Variants in CHIA observed in about 807,000 individuals in gnomAD.
The protein encoded by CHIA is acidic mammalian chitinase.
CHIA carries 47 observed loss-of-function variants against 53.5 expected under a neutral mutation model. That is an observed-to-expected ratio of 0.88 (90% CI 0.70 to 1.12). CHIA has a LOEUF of 1.12. Among genes scored for constraint, CHIA ranks in the 50% most tolerant of loss-of-function variants. CHIA has a pLI of 0.00. For missense variants in CHIA, 652 were observed against 592.2 expected, an observed-to-expected ratio of 1.10 and a Z score of -1.05; for synonymous variants, 268 against 222.2, an observed-to-expected ratio of 1.21 and a Z score of -1.83.
At chr1:111,317,304 G>A (rs1649236775) in intron 6 of CHIA, 1 of 196,250 alleles carries the variant, frequency 5.1e-6, no homozygotes, top group Non-Finnish European at 1.1e-5. Context: ...GTCCTATAAA[G>A]TAGTTCATCT....
chr1:111,305,630 A>G (rs1648120180), intron 1 of CHIA, among the ~76,000 whole-genome samples: 1 of 152,236 alleles, frequency 6.6e-6, no homozygotes, highest in Admixed American at 6.5e-5. Flanking sequence ...TGAAGTTGCA[A>G]GCCTTTAATA....
chr1:111,319,279 GAGTC>G, intron 10 of CHIA, 40 bp downstream of exon 10: 1 of 1,614,070 alleles, frequency 6.2e-7, no homozygotes, highest in South Asian at 1.1e-5. Context: ...TCCCAGCCCT[GAGTC>G]CCAGGAAAGC....
chr1:111,294,083 A>G (rs1661196562), intron 1 of CHIA, among the ~76,000 whole-genome samples: 3 of 152,168 alleles, frequency 2.0e-5, no homozygotes, highest in Non-Finnish European at 2.9e-5. Context: ...CCCTGTCTCA[A>G]AAAACAATGA....
In CHIA at chr1:111,319,366, G is replaced by GCGCCTTTGA; in HGVS notation, c.1075_1076insCGCCTTTGA (p.Val359delinsAlaProLeuIle). 2 of 1,614,190 alleles carry GCGCCTTTGA rather than the reference G, an allele frequency of 1.2e-6. No individual in the cohort carries two copies. Among genetic ancestry groups the GCGCCTTTGA allele is most frequent in the East Asian group, 4.5e-5 (2 of 44,886 alleles). ...GCACAACAAATTTGGAGGCGCCATG[G>GCGCCTTTGA]TCTGGGCCATTGATCTGGATGACTT... On this transcript the variant is annotated protein_altering_variant, in exon 11 of 12. Transcript: ENST00000369740.
intron 11 of CHIA, among the ~76,000 whole-genome samples, chr1:111,320,003 C>CT (rs142642295): frequency 0.011 from 1,600 of 152,226 alleles, 29 homozygotes; most frequent in African/African-American, 0.036. Context: ...AAAGAGCAAC[C>CT]TTTTTTTACA....
intron 1 of CHIA, among the ~76,000 whole-genome samples, chr1:111,297,373 T>C (rs1253427417): frequency 1.3e-5 from 2 of 152,188 alleles, no homozygotes; most frequent in African/African-American, 2.4e-5. Context: ...TAACAGCGGA[T>C]CTCTCTGCAG....
At chr1:111,309,366 C>T (rs1215303828) in intron 1 of CHIA, among the ~76,000 whole-genome samples, 1 of 152,182 alleles carries the variant, frequency 6.6e-6, no homozygotes, top group Non-Finnish European at 1.5e-5. Context: ...ATAATGATCA[C>T]CCATATTCCC....
chr1:111,296,291 C>T (rs925700203), intron 1 of CHIA, among the ~76,000 whole-genome samples: 4 of 152,198 alleles, frequency 2.6e-5, no homozygotes, highest in East Asian at 1.9e-4. Context: ...TAGCCTAACT[C>T]GGAGACACAT....
chr1:111,291,049 C>T (rs1031360601), intron 1 of CHIA, 99 bp downstream of exon 1: 7 of 299,058 alleles, frequency 2.3e-5, no homozygotes, highest in African/African-American at 6.7e-5. Flanking sequence ...TTTATTATAT[C>T]GTTTGCTTAT....
intron 1 of CHIA, among the ~76,000 whole-genome samples, chr1:111,297,690 A>T (rs912782012): frequency 1.5e-4 from 23 of 152,136 alleles, no homozygotes; most frequent in African/African-American, 5.3e-4. Context: ...TAACCAGCTA[A>T]CATCGTAATG....
In CHIA at chr1:111,319,447, G is replaced by C. The variant is rs147768976; in HGVS notation, c.1156G>C (p.Ala386Pro). ...TCCCCTAATCTCCACCCTGAAGAAG[G>C]CCCTCGGCCTGCAGAGTGCAAGTAA... ...KFPLISTLKKALGLQSASCTA... is the reference protein window; with the variant it reads ...KFPLISTLKKPLGLQSASCTA... The change falls in exon 11 of 12, where the codon GCC becomes CCC. Residue 386 changes from alanine to proline, a missense_variant. By Grantham distance (27) the Ala-to-Pro change is conservative. Coordinates refer to ENST00000369740, the MANE Select transcript of CHIA (RefSeq NM_201653.4). The C allele has an allele frequency of 6.2e-7, 1 of 1,613,928 alleles. No homozygotes were observed. Among genetic ancestry groups the C allele is most frequent in the African/African-American group, 1.3e-5 (1 of 74,912 alleles).
At chr1:111,318,216 A>T in intron 8 of CHIA, 107 bp downstream of exon 8, 3 of 1,210,766 alleles carry the variant, frequency 2.5e-6, no homozygotes, top group Non-Finnish European at 2.3e-6. Flanking sequence ...TCAAATGGGA[A>T]ATTAGGCTGC....
chr1:111,298,873 C>G (rs1247332107), intron 1 of CHIA, among the ~76,000 whole-genome samples: 2 of 151,960 alleles, frequency 1.3e-5, no homozygotes, highest in African/African-American at 4.8e-5. Context: ...AAAGAAGAAT[C>G]AAATAGATGC....
At chr1:111,319,596 C>A in intron 11 of CHIA, 128 bp downstream of exon 11, 1 of 859,210 alleles carries the variant, frequency 1.2e-6, no homozygotes, top group Non-Finnish European at 1.8e-6. Context: ...CCGCTCTTGC[C>A]CAGATGAGAG....
In CHIA at chr1:111,318,044, A is replaced by G. The variant is rs1330419645; in HGVS notation, c.664A>G (p.Thr222Ala). Residue 222 changes from threonine (T) to alanine (A), a missense_variant, in exon 8 of 12, where the codon ACT becomes GCT. Transcript: ENST00000369740. ...CCTCCATGGCTCCTGGGAGGGCTACACTGGAGAGAACAGCCCCCTCTACAA... is the reference window on the plus strand; with the variant it reads ...CCTCCATGGCTCCTGGGAGGGCTACGCTGGAGAGAACAGCCCCCTCTACAA... ...YDLHGSWEGY[T>A]GENSPLYKYP... The G allele has an allele frequency of 1.9e-6, 3 of 1,613,854 alleles. No individual in the cohort carries two copies. Among genetic ancestry groups the G allele is most frequent in the East Asian group, 2.2e-5 (1 of 44,892 alleles).
chr1:111,311,675 T>G lies in CHIA; in HGVS notation c.26-14T>G, dbSNP rs1258047965. On this transcript the variant is annotated splice_polypyrimidine_tract_variant and intron_variant, in intron 2 of 11. Coordinates refer to ENST00000369740, the MANE Select transcript of CHIA (RefSeq NM_201653.4). ...ACAATCGGTTCAAAGTACATGCTTT[T>G]TCTTTCTATCCAGGTCTTGTCCTTA... 5 of 1,614,086 alleles carry G rather than the reference T, an allele frequency of 3.1e-6. No individual in the cohort carries two copies. The highest frequency in any genetic ancestry group is 4.2e-6 in the Non-Finnish European group (5 of 1,179,954).
At chr1:111,319,573 C>A in intron 11 of CHIA, 105 bp downstream of exon 11, 1 of 1,058,380 alleles carries the variant, frequency 9.4e-7, no homozygotes, top group Non-Finnish European at 1.4e-6. Flanking sequence ...GATCCTCTTT[C>A]CACTTCACCT....
rs1004532028 is a variant in CHIA at position 111,318,082 on chromosome 1, C to A, written c.702C>A (p.Asp234Glu). Reference protein sequence around the residue: ...ENSPLYKYPTDTGSNAYLNVD... With the variant: ...ENSPLYKYPTETGSNAYLNVD... Reference sequence around the variant, plus strand: ...GCCCCCTCTACAAATACCCGACTGACACCGGCAGCAACGCCTACCTCAATG... The same window carrying A: ...GCCCCCTCTACAAATACCCGACTGAAACCGGCAGCAACGCCTACCTCAATG... The change falls in exon 8 of 12, where the codon GAC becomes GAA. Residue 234 changes from aspartate (D) to glutamate (E), a missense_variant. By Grantham distance (45) the Asp-to-Glu change is conservative (BLOSUM62 2). Coordinates refer to ENST00000369740, the MANE Select transcript of CHIA (RefSeq NM_201653.4). 13 of 1,613,370 alleles carry A rather than the reference C, an allele frequency of 8.1e-6. No homozygotes were observed. Among genetic ancestry groups the A allele is most frequent in the African/African-American group, 8.0e-5 (6 of 75,016 alleles).
At chr1:111,318,130 A>C in intron 8 of CHIA, 21 bp downstream of exon 8, 1 of 1,578,848 alleles carries the variant, frequency 6.3e-7, no homozygotes, top group Non-Finnish European at 8.7e-7. Flanking sequence ...GTACAGATGC[A>C]AGAGCAGACC....
Sources: gnomAD v4.1 joint callset for allele counts (sites outside exome capture counted in the v4.1 genomes callset) on GRCh38, gnomAD v4.1.1 for gene constraint, MANE v1.5 for transcripts, NCBI Gene and HGNC (gene_info 2026-07-23, HGNC 2026-07-21) for gene names.